The following CORO2B variants were observed in gnomAD, a reference collection of about 807,000 sequenced individuals.
CORO2B encodes the protein coronin-2B.
CORO2B carries 26 observed loss-of-function variants against 58.8 expected under a neutral mutation model. The ratio of observed to expected loss-of-function variants is 0.44; its 90% CI spans 0.32 to 0.61. The LOEUF (loss-of-function observed/expected upper bound fraction) is 0.61, where lower values mean the gene tolerates loss of function less well. CORO2B is among the 20% of genes least tolerant of loss of function. The pLI, the probability that CORO2B is intolerant of heterozygous loss-of-function variation, is 0.04. For synonymous variants in CORO2B, 242 were observed against 253.8 expected (o/e 0.95, Z 0.44); for missense variants, 460 against 645.1 (o/e 0.71, Z 3.11).
intron 1 of CORO2B, among the ~76,000 whole-genome samples, chr15:68,599,819 A>T (rs1346247487): frequency 6.6e-6 from 1 of 152,190 alleles, no homozygotes; most frequent in Non-Finnish European, 1.5e-5. Context: ...TCAAAAATTA[A>T]TCTTGTCTAA....
the CORO2B span, among the ~76,000 whole-genome samples, chr15:68,531,281 G>GACCA: frequency 6.6e-6 from 1 of 152,056 alleles, no homozygotes; most frequent in Non-Finnish European, 1.5e-5. Flanking sequence ...AGGAGTCTGA[G>GACCA]ACCAGCCTGG....
At chr15:68,578,160 G>GC (rs1335591739), upstream of CORO2B, among the ~76,000 whole-genome samples, 4 of 152,282 alleles carry the variant, frequency 2.6e-5, no homozygotes, top group East Asian at 7.7e-4. This position sits in a 1 kb window ranked among gnomAD's most constrained non-coding sequence, Gnocchi z 4.2. Context: ...GACACACTGT[G>GC]CCCCGAGTCA....
At chr15:68,646,787 G>A (rs1157358950) in intron 2 of CORO2B, among the ~76,000 whole-genome samples, 3 of 152,210 alleles carry the variant, frequency 2.0e-5, no homozygotes, top group Non-Finnish European at 4.4e-5. Flanking sequence ...AACATGTTAA[G>A]GATGTTTGGT....
At chr15:68,589,493 G>A (rs753494290) in intron 1 of CORO2B, among the ~76,000 whole-genome samples, 3 of 152,188 alleles carry the variant, frequency 2.0e-5, no homozygotes, top group Non-Finnish European at 2.9e-5. Flanking sequence ...TGCTACAGCC[G>A]GAAGGGACTT....
At chr15:68,637,946 C>T (rs910448211) in intron 1 of CORO2B, among the ~76,000 whole-genome samples, 3 of 152,158 alleles carry the variant, frequency 2.0e-5, no homozygotes, top group Non-Finnish European at 2.9e-5. Context: ...TTTTGAGATC[C>T]GAGGACAGGA....
chr15:68,600,191 A>C (rs991270117), intron 1 of CORO2B, among the ~76,000 whole-genome samples: 2 of 152,222 alleles, frequency 1.3e-5, no homozygotes, highest in Non-Finnish European at 2.9e-5. Context: ...CACACACAGC[A>C]CATCAAATTC....
chr15:68,665,391 A>T (rs1279099789), intron 2 of CORO2B, among the ~76,000 whole-genome samples: 1 of 152,054 alleles, frequency 6.6e-6, no homozygotes, highest in Non-Finnish European at 1.5e-5. Context: ...AGACTTCATA[A>T]TATGTTTTAA....
At chr15:68,585,210 A>T (rs757737229) in intron 1 of CORO2B, among the ~76,000 whole-genome samples, 14 of 152,104 alleles carry the variant, frequency 9.2e-5, no homozygotes, top group Non-Finnish European at 1.8e-4. Context: ...CTATTTAGGG[A>T]CGGATAAACA....
chr15:68,711,406 A>T lies in CORO2B; in HGVS notation c.484-136A>T. 3 of 648,078 alleles carry T rather than the reference A, an allele frequency of 4.6e-6. No individual in the cohort carries two copies. In the South Asian group the frequency reaches 6.4e-5, roughly 14 times the overall value. The allele number at this position is 648,078 out of a possible 1,614,324, so 40.1% of individuals were successfully genotyped here. ...CAGCCTTTCCATATAGAACTCAATG[A>T]CCCCCTCCTGCACCCCAGCACACCC... On this transcript the variant is annotated intron_variant, in intron 4 of 11. Transcript: ENST00000261861.
chr15:68,575,874 G>A (rs1413800807), upstream of CORO2B, among the ~76,000 whole-genome samples: 1 of 151,672 alleles, frequency 6.6e-6, no homozygotes, highest in Admixed American at 6.6e-5. Context: ...GCATGTATTG[G>A]CTGGGTGTGG....
intron 1 of CORO2B, among the ~76,000 whole-genome samples, chr15:68,620,396 T>C (rs1900484685): frequency 6.6e-6 from 1 of 152,198 alleles, no homozygotes; most frequent in Admixed American, 6.5e-5. Flanking sequence ...GGCAAGAACA[T>C]GTTGGCAGTG....
intron 1 of CORO2B, among the ~76,000 whole-genome samples, chr15:68,627,587 G>C (rs1011340485): frequency 6.6e-6 from 1 of 152,182 alleles, no homozygotes; most frequent in Non-Finnish European, 1.5e-5. Context: ...TAAGGAGCTC[G>C]TGGGAGAGGA....
Position 68,711,602 on chromosome 15 carries a change from G to C in CORO2B, c.544G>C (p.Val182Leu). The C allele has an allele frequency of 6.2e-7, 1 of 1,614,120 alleles. No homozygotes were observed. Among genetic ancestry groups the C allele is most frequent in the Non-Finnish European group, 8.5e-7 (1 of 1,180,002 alleles). Residue 182 changes from valine to leucine, a missense_variant, in exon 5 of 12, where the codon GTG becomes CTG. This residue lies in a region of CORO2B where 352 missense variants were observed against 543.0 expected (regional missense o/e 0.65). Transcript: ENST00000261861. ...GAAGATGATTGACTGCCACACGGAT[G>C]TGATCCTCTGCATGTCCTTCAACAC... ...PVKMIDCHTDVILCMSFNTDG... is the reference protein window; with the variant it reads ...PVKMIDCHTDLILCMSFNTDG...
At chr15:68,716,957 T>A (rs1171371175) in intron 8 of CORO2B, among the ~76,000 whole-genome samples, 1 of 152,086 alleles carries the variant, frequency 6.6e-6, no homozygotes, top group Non-Finnish European at 1.5e-5. Flanking sequence ...GGGAGGGTTC[T>A]TTTTCTTGAG....
intron 2 of CORO2B, among the ~76,000 whole-genome samples, chr15:68,649,110 A>T (rs1384836443): frequency 6.6e-6 from 1 of 152,218 alleles, no homozygotes; most frequent in Non-Finnish European, 1.5e-5. Flanking sequence ...TGTCAGTAGC[A>T]CTGGTCTGGA....
At chr15:68,562,504 G>T in the CORO2B span, among the ~76,000 whole-genome samples, 1 of 152,110 alleles carries the variant, frequency 6.6e-6, no homozygotes, top group Admixed American at 6.5e-5. Context: ...AAATATGGGT[G>T]GCTCAGTTAC....
chr15:68,631,677 A>T (rs1251658321), intron 1 of CORO2B, among the ~76,000 whole-genome samples: 1 of 152,216 alleles, frequency 6.6e-6, no homozygotes, highest in Non-Finnish European at 1.5e-5. Flanking sequence ...ACCAACCCTG[A>T]AGTACACACC....
At chr15:68,554,256 A>G in the CORO2B span, among the ~76,000 whole-genome samples, 1 of 152,124 alleles carries the variant, frequency 6.6e-6, no homozygotes, top group Non-Finnish European at 1.5e-5. Flanking sequence ...GACTAGACTC[A>G]CAGGTGCCCA....
At chr15:68,664,019 G>C (rs1457074083) in intron 2 of CORO2B, among the ~76,000 whole-genome samples, 1 of 152,218 alleles carries the variant, frequency 6.6e-6, no homozygotes, top group Non-Finnish European at 1.5e-5. Flanking sequence ...ATCAAGTGTT[G>C]ATGAGGATGA....
Sources: allele counts gnomAD v4.1 joint callset (sites outside exome capture counted in the v4.1 genomes callset), GRCh38; gene constraint gnomAD v4.1.1; regional missense constraint gnomAD v4.1.1; non-coding constraint Gnocchi (gnomAD v3.1); transcripts MANE v1.5; gene names NCBI Gene and HGNC (gene_info 2026-07-23, HGNC 2026-07-21).